The following NRXN1 variants were observed in gnomAD, a reference collection of about 807,000 sequenced individuals.
NRXN1 encodes the protein neurexin-1.
A neutral mutation model predicts 150.9 loss-of-function variants in NRXN1; 39 were observed. That is an observed-to-expected ratio of 0.26 (90% CI 0.20 to 0.34). NRXN1 has a LOEUF of 0.34. Ranked by LOEUF, NRXN1 falls within the 10% of genes least tolerant of loss-of-function variation. The pLI is 1.00. For synonymous variants in NRXN1, 924 were observed against 757.0 expected (o/e 1.22, Z -3.62); for missense variants, 1,815 against 1,949.9 (o/e 0.93, Z 1.30).
At chr2:50,613,562 G>C (rs1334288174) in intron 8 of NRXN1, among the ~76,000 whole-genome samples, 1 of 152,188 alleles carries the variant, frequency 6.6e-6, no homozygotes, top group Non-Finnish European at 1.5e-5. Context: ...CCTGGCCAAT[G>C]CATGAGTACT....
At chr2:49,959,047 T>C (rs568563452) in intron 21 of NRXN1, among the ~76,000 whole-genome samples, 1 of 152,340 alleles carries the variant, frequency 6.6e-6, no homozygotes, top group African/African-American at 2.4e-5. Context: ...GCAAAGTTCT[T>C]CGTGAAGGTA....
At chr2:50,914,733 C>T (rs1236046580) in intron 5 of NRXN1, among the ~76,000 whole-genome samples, 2 of 151,440 alleles carry the variant, frequency 1.3e-5, no homozygotes, top group East Asian at 3.9e-4. Context: ...GAAAGATTTA[C>T]CTTGGAGCAA....
intron 2 of NRXN1, among the ~76,000 whole-genome samples, chr2:50,978,195 C>A (rs1696165916): frequency 6.8e-6 from 1 of 146,392 alleles, no homozygotes; most frequent in Non-Finnish European, 1.5e-5. Context: ...AAGTCCACTG[C>A]CCAGAGGAAA....
At chr2:50,595,248 C>G (rs1268192266) in intron 8 of NRXN1, among the ~76,000 whole-genome samples, 1 of 151,984 alleles carries the variant, frequency 6.6e-6, no homozygotes, top group Non-Finnish European at 1.5e-5. Context: ...CCTGATTTGA[C>G]AGAAAACATA....
At chr2:50,840,887 A>C (rs570212767) in intron 5 of NRXN1, among the ~76,000 whole-genome samples, 3 of 152,250 alleles carry the variant, frequency 2.0e-5, no homozygotes, top group Admixed American at 1.3e-4. Context: ...AGGTTGTCAG[A>C]AGAAGATGCC....
At position 50,577,365 on chromosome 2, in the gene NRXN1, TA is replaced by T. The variant is rs542129227; in HGVS notation, c.1321-24341del. Among the ~76,000 whole-genome samples, 409 of 144,182 alleles carry T rather than the reference TA, an allele frequency of 2.8e-3. 3 individuals are homozygous for T. Among genetic ancestry groups the T allele is most frequent in the African/African-American group, 7.7e-3 (304 of 39,592 alleles). The allele number at this position is 144,182 out of a possible 152,430, so 94.6% of individuals were successfully genotyped here. On this transcript the variant is annotated intron_variant, in intron 8 of 22. Coordinates refer to ENST00000401669, the MANE Select transcript of NRXN1 (RefSeq NM_001330078.2). ...GTTAGCTGCATATACACTAGTTGTC[TA>T]AAAAAAAAAAACAAAGATTACTGGC...
chr2:50,724,055 C>T (rs564142794), intron 5 of NRXN1, among the ~76,000 whole-genome samples: 1 of 152,272 alleles, frequency 6.6e-6, no homozygotes, highest in East Asian at 1.9e-4. Flanking sequence ...AATACAAGAT[C>T]CATTGTGATG....
intron 5 of NRXN1, among the ~76,000 whole-genome samples, chr2:50,750,190 T>C (rs759197413): frequency 7.2e-5 from 11 of 152,124 alleles, no homozygotes; most frequent in Non-Finnish European, 1.3e-4. Context: ...GCCTATACTA[T>C]TTTGAGGCTG....
intron 5 of NRXN1, among the ~76,000 whole-genome samples, chr2:50,747,328 T>C (rs1431718829): frequency 2.0e-5 from 3 of 152,060 alleles, no homozygotes; most frequent in Non-Finnish European, 2.9e-5. Context: ...ATCAGACAAA[T>C]GGGAGGTCAG....
At chr2:50,514,979 C>T (rs1348461796) in intron 12 of NRXN1, among the ~76,000 whole-genome samples, 1 of 152,088 alleles carries the variant, frequency 6.6e-6, no homozygotes, top group Non-Finnish European at 1.5e-5. Flanking sequence ...GCTTTAAGCC[C>T]GGGCTCCCCA....
intron 17 of NRXN1, among the ~76,000 whole-genome samples, chr2:50,250,504 T>A (rs867519385): frequency 6.6e-6 from 1 of 152,192 alleles, no homozygotes; most frequent in East Asian, 1.9e-4. Context: ...GTCTCTTGAA[T>A]TAAATCTCCA....
chr2:50,769,323 T>C (rs1370212238), intron 5 of NRXN1, among the ~76,000 whole-genome samples: 1 of 152,030 alleles, frequency 6.6e-6, no homozygotes, highest in Non-Finnish European at 1.5e-5. Flanking sequence ...ATCACAGACA[T>C]TCCCCTAATC....
chr2:50,941,108 G>GCT (rs1319126409), intron 2 of NRXN1, among the ~76,000 whole-genome samples: 1 of 151,794 alleles, frequency 6.6e-6, no homozygotes, highest in African/African-American at 2.4e-5. Context: ...TCCCCTTCCT[G>GCT]CTCTCTCTCT....
chr2:50,390,119 C>A (rs1007444094), intron 17 of NRXN1, among the ~76,000 whole-genome samples: 2 of 151,952 alleles, frequency 1.3e-5, no homozygotes, highest in Non-Finnish European at 2.9e-5. Flanking sequence ...TAAAAATGGT[C>A]AAATAAAGAC....
intron 17 of NRXN1, among the ~76,000 whole-genome samples, chr2:50,423,418 C>G (rs1247972095): frequency 6.6e-6 from 1 of 152,042 alleles, no homozygotes; most frequent in African/African-American, 2.4e-5. Flanking sequence ...GGTTACCCTT[C>G]AATGCTGTTT....
chr2:50,451,398 C>A (rs184245256), intron 17 of NRXN1, among the ~76,000 whole-genome samples: 1 of 152,190 alleles, frequency 6.6e-6, no homozygotes, highest in Non-Finnish European at 1.5e-5. Flanking sequence ...AAAGTCTGCT[C>A]ATTCACTGAA....
At chr2:50,336,572 C>G (rs1365909339) in intron 17 of NRXN1, among the ~76,000 whole-genome samples, 1 of 152,208 alleles carries the variant, frequency 6.6e-6, no homozygotes, top group African/African-American at 2.4e-5. Flanking sequence ...AGAGTATAAT[C>G]ATATAATCAG....
intron 18 of NRXN1, among the ~76,000 whole-genome samples, chr2:50,153,683 T>C (rs184509235): frequency 8.0e-4 from 121 of 151,834 alleles, no homozygotes; most frequent in African/African-American, 2.7e-3. Flanking sequence ...ATCTTTATTT[T>C]CTGGCTCCAA....
intron 5 of NRXN1, among the ~76,000 whole-genome samples, chr2:50,876,960 C>G (rs529517336): frequency 6.6e-6 from 1 of 151,902 alleles, no homozygotes; most frequent in Admixed American, 6.6e-5. Context: ...ATATTTTTAA[C>G]AGAGTTCAGT....
Sources: gnomAD v4.1 joint callset for allele counts (sites outside exome capture counted in the v4.1 genomes callset) on GRCh38, gnomAD v4.1.1 for gene constraint, MANE v1.5 for transcripts, NCBI Gene and HGNC (gene_info 2026-07-23, HGNC 2026-07-21) for gene names.